The following STK4 variants were observed in gnomAD, a reference collection of about 807,000 sequenced individuals.
STK4 encodes the protein serine/threonine kinase 4, also known as serine/threonine-protein kinase 4.
STK4 carries 30 observed loss-of-function variants against 64.9 expected under a neutral mutation model. The observed-to-expected ratio is 0.46, with a 90% CI of 0.35 to 0.63. The LOEUF is 0.63. STK4 is among the 20% of genes least tolerant of loss of function. The pLI is 0.01. For synonymous variants in STK4, 177 were observed against 199.0 expected, an observed-to-expected ratio of 0.89 and a Z score of 0.93; for missense variants, 466 against 598.5, an observed-to-expected ratio of 0.78 and a Z score of 2.31.
intron 9 of STK4, among the ~76,000 whole-genome samples, chr20:45,009,117 A>G (rs940618801): frequency 7.9e-5 from 12 of 152,190 alleles, no homozygotes; most frequent in Non-Finnish European, 8.8e-5. Context: ...GCCAAGGCCA[A>G]TGTTGTGAAG....
At chr20:45,022,447 A>C (rs1555816193) in intron 9 of STK4, among the ~76,000 whole-genome samples, 1 of 152,204 alleles carries the variant, frequency 6.6e-6, no homozygotes, top group Non-Finnish European at 1.5e-5. Context: ...CAAAAATTAG[A>C]AATTTTTAAG....
intron 10 of STK4, among the ~76,000 whole-genome samples, chr20:45,029,510 C>T (rs946753825): frequency 2.6e-5 from 4 of 152,192 alleles, no homozygotes; most frequent in African/African-American, 9.6e-5. Flanking sequence ...GCTGCTCTCC[C>T]AACAAAGATC....
At chr20:45,051,633 T>C (rs1479158663) in intron 10 of STK4, among the ~76,000 whole-genome samples, 1 of 152,234 alleles carries the variant, frequency 6.6e-6, no homozygotes, top group African/African-American at 2.4e-5. Context: ...TGGATTCTTT[T>C]TATAGCTTCA....
chr20:44,983,612 ACT>A (rs1434153756), intron 4 of STK4, among the ~76,000 whole-genome samples: 2 of 152,010 alleles, frequency 1.3e-5, no homozygotes, highest in Non-Finnish European at 2.9e-5. Context: ...GCAGAGCAAG[ACT>A]CTGTTTCAAA....
At chr20:45,002,678 T>G (rs2145700628) in intron 9 of STK4, among the ~76,000 whole-genome samples, 1 of 152,306 alleles carries the variant, frequency 6.6e-6, no homozygotes, top group Non-Finnish European at 1.5e-5. Flanking sequence ...ATGACCCCTA[T>G]AGACCTATAT....
intron 1 of STK4, among the ~76,000 whole-genome samples, chr20:44,971,082 TACACACACACACACACACAC>T (rs142027582): frequency 9.5e-5 from 13 of 136,518 alleles, no homozygotes; most frequent in African/African-American, 3.1e-4. Context: ...TTGTGTAGAC[TACACACACACACACACACAC>T]ACACACACAC....
intron 9 of STK4, among the ~76,000 whole-genome samples, chr20:45,015,456 T>C (rs1394190690): frequency 1.3e-5 from 2 of 152,252 alleles, no homozygotes; most frequent in Non-Finnish European, 2.9e-5. Flanking sequence ...TACTGTCCAA[T>C]TTCTGATCCC....
intron 6 of STK4, 32 bp from the exon 7 acceptor site, chr20:44,997,137 G>T: frequency 6.2e-7 from 1 of 1,611,516 alleles, no homozygotes; most frequent in South Asian, 1.1e-5. Context: ...TATTTTACCA[G>T]ATCTTTTTGT....
chr20:45,013,138 A>G (rs570540981), intron 9 of STK4, among the ~76,000 whole-genome samples: 81 of 151,830 alleles, frequency 5.3e-4, no homozygotes, highest in Admixed American at 3.7e-3. Flanking sequence ...ACAGTGTTGC[A>G]TAGTAGAGCT....
Position 45,018,378 on chromosome 20 carries a change from G to A in STK4, c.1148-6595G>A, listed in dbSNP as rs561006954. ...TAGGTTGACCATATTGGTTTACTTA[G>A]TGACAGTCTGGAAAATGAAGGTTTG... On this transcript the variant is annotated intron_variant, in intron 9 of 10. Coordinates refer to ENST00000372806, the MANE Select transcript of STK4 (RefSeq NM_006282.5). Among the ~76,000 whole-genome samples, 17 of 152,278 alleles carry A rather than the reference G, an allele frequency of 1.1e-4. 1 individual carries two copies. In the South Asian group the frequency reaches 2.7e-3, roughly 24 times the overall value.
chr20:44,968,477 C>T (rs1331265391), intron 1 of STK4, among the ~76,000 whole-genome samples: 1 of 152,328 alleles, frequency 6.6e-6, no homozygotes, highest in East Asian at 1.9e-4. Context: ...TCTAAAAGTA[C>T]CCCTGTTTCA....
chr20:44,990,719 CAG>C (rs2067617660), intron 5 of STK4, among the ~76,000 whole-genome samples: 1 of 152,178 alleles, frequency 6.6e-6, no homozygotes, highest in Admixed American at 6.5e-5. Flanking sequence ...TTTCACTCCC[CAG>C]AGAGTACACC....
rs936505493 is a variant in STK4 at position 44,985,517 on chromosome 20, A to G, written c.361-1615A>G. Among the ~76,000 whole-genome samples the G allele has an allele frequency of 2.0e-5, 3 of 151,964 alleles. No homozygotes were observed. In the East Asian group the frequency reaches 5.8e-4, roughly 29 times the overall value. On this transcript the variant is annotated intron_variant, in intron 4 of 10. Coordinates refer to ENST00000372806, the MANE Select transcript of STK4 (RefSeq NM_006282.5). ...GCCACCACACCCAGCTAATTTTTGT[A>G]TTTTTAGTAGAGACAGGGTTTTGCC...
At position 44,979,960 on chromosome 20, in the gene STK4, A is replaced by G. The variant is rs1010292793; in HGVS notation, c.245+1389A>G. Among the ~76,000 whole-genome samples, 4 of 152,180 alleles carry G rather than the reference A, an allele frequency of 2.6e-5. No homozygotes were observed. The East Asian group carries it at 7.7e-4, about 29-fold the overall frequency. ...TAGACTGTGCGGGAGCTGTGTTCCA[A>G]ACAGAGTATGGAAATGTCTTTAATT... On this transcript the variant is annotated intron_variant, in intron 3 of 10. Coordinates refer to ENST00000372806, the MANE Select transcript of STK4 (RefSeq NM_006282.5).
intron 5 of STK4, among the ~76,000 whole-genome samples, chr20:44,988,019 G>A (rs965889330): frequency 2.0e-5 from 3 of 151,208 alleles, no homozygotes; most frequent in African/African-American, 7.3e-5. Flanking sequence ...GACATGTTAG[G>A]GAGCCTCAGG....
Position 45,063,465 on chromosome 20 carries a change from A to C in STK4, c.1306-11553A>C, listed in dbSNP as rs149656374. 1.3e-4 allele frequency among the ~76,000 whole-genome samples: 20 copies of C among 152,244 alleles called. No homozygotes were observed. In the East Asian group the frequency reaches 3.9e-3, roughly 29 times the overall value. On this transcript the variant is annotated intron_variant, in intron 10 of 10. Transcript: ENST00000372806. The stretch of plus-strand genomic sequence containing the variant: ...TGTTTTTTGCTTATAAATTCGTTTA[A>C]GTTCCTTGTGGATTCTGGATATTAG...
chr20:45,003,962 G>GC (rs1254110505), intron 9 of STK4, among the ~76,000 whole-genome samples: 1 of 150,696 alleles, frequency 6.6e-6, no homozygotes, highest in Non-Finnish European at 1.5e-5. Context: ...CACATGATCT[G>GC]CCCACTTCAG....
In STK4 at chr20:44,987,141, G is replaced by T. The variant is rs759942089; in HGVS notation, c.370G>T (p.Asp124Tyr). The T allele has an allele frequency of 6.3e-7, 1 of 1,585,514 alleles. No homozygotes were observed. Among genetic ancestry groups the T allele is most frequent in the South Asian group, 1.2e-5 (1 of 86,702 alleles). ...CTTATTCTTTTTTCAGTTAACAGAAGATGAAATAGCTACAATATTACAATC... is the reference window on the plus strand; with the variant it reads ...CTTATTCTTTTTTCAGTTAACAGAATATGAAATAGCTACAATATTACAATC... ...IRLRNKTLTEDEIATILQSTL... is the reference protein window; with the variant it reads ...IRLRNKTLTEYEIATILQSTL... Residue 124 changes from aspartate to tyrosine, a missense_variant, in exon 5 of 11, where the codon GAT becomes TAT. Asp to Tyr is a radical substitution (Grantham distance 160, BLOSUM62 -3). Transcript: ENST00000372806.
At chr20:45,068,884 A>G (rs1444815203) in intron 10 of STK4, among the ~76,000 whole-genome samples, 1 of 152,232 alleles carries the variant, frequency 6.6e-6, no homozygotes, top group East Asian at 1.9e-4. Flanking sequence ...GTAGAATCCA[A>G]CAGTAACACA....
Sources: gnomAD v4.1 joint callset for allele counts (sites outside exome capture counted in the v4.1 genomes callset) on GRCh38, gnomAD v4.1.1 for gene constraint, MANE v1.5 for transcripts, NCBI Gene and HGNC (gene_info 2026-07-23, HGNC 2026-07-21) for gene names.